TTC17: variants seen among roughly 807,000 people sequenced by gnomAD.
The protein encoded by TTC17 is tetratricopeptide repeat domain 17, also known as tetratricopeptide repeat protein 17.
A neutral mutation model predicts 143.8 loss-of-function variants in TTC17; 58 were observed. The observed-to-expected ratio is 0.40, with a 90% confidence interval of 0.33 to 0.50. The LOEUF (loss-of-function observed/expected upper bound fraction) is 0.50. Ranked by LOEUF, TTC17 falls within the 20% of genes least tolerant of loss-of-function variation. The pLI is 0.49. For missense variants in TTC17, 1,273 were observed against 1,392.5 expected (o/e 0.91, Z 1.37); for synonymous variants, 501 against 497.8 (o/e 1.01, Z -0.09).
intron 21 of TTC17, among the ~76,000 whole-genome samples, chr11:43,455,931 G>A (rs1011998029): frequency 6.6e-6 from 1 of 152,092 alleles, no homozygotes; most frequent in African/African-American, 2.4e-5. Flanking sequence ...TATTTCTCTT[G>A]TTAACAATTC....
Position 43,407,495 on chromosome 11 carries a change from T to G in TTC17, c.1982T>G (p.Leu661Trp). Reference protein sequence around the residue: ...LQYQDVPLVNLANLLIHYGLH... With the variant: ...LQYQDVPLVNWANLLIHYGLH... ...TACCAAGATGTTCCTCTTGTCAACT[T>G]GGCCAACCTTTTGATTCATTACGGC... Residue 661 changes from leucine to tryptophan, a missense_variant, in exon 15 of 24, where the codon TTG becomes TGG. By Grantham distance (61) the Leu-to-Trp change is moderately conservative. Transcript: ENST00000039989. 1 of 1,614,056 alleles carries G rather than the reference T, an allele frequency of 6.2e-7. No homozygotes were observed. The highest frequency in any genetic ancestry group is 8.5e-7 in the Non-Finnish European group (1 of 1,179,980).
intron 18 of TTC17, among the ~76,000 whole-genome samples, chr11:43,445,544 A>G (rs925430157): frequency 6.6e-6 from 1 of 152,252 alleles, no homozygotes; most frequent in Non-Finnish European, 1.5e-5. Flanking sequence ...AATTTATTAT[A>G]AAAGTGAAAA....
At chr11:43,487,131 A>C (rs7108381) in intron 21 of TTC17, among the ~76,000 whole-genome samples, 86,135 of 151,976 alleles carry the variant, frequency 0.57, 25,226 homozygotes, top group African/African-American at 0.68. Flanking sequence ...TAAAGAAATA[A>C]CTTTTTTGTT....
intron 1 of TTC17, among the ~76,000 whole-genome samples, chr11:43,365,915 A>T (rs758153530): frequency 6.6e-6 from 1 of 151,854 alleles, no homozygotes; most frequent in East Asian, 1.9e-4. Flanking sequence ...ATCAGTTACC[A>T]TATGTATGCT....
At chr11:43,402,444 A>G (rs1199088932) in intron 10 of TTC17, among the ~76,000 whole-genome samples, 1 of 152,160 alleles carries the variant, frequency 6.6e-6, no homozygotes, top group Non-Finnish European at 1.5e-5. Flanking sequence ...GTGTATACAC[A>G]CACACATACA....
chr11:43,491,973 G>C (rs377280747), intron 22 of TTC17, 47 bp from the exon 23 acceptor site: 3 of 1,605,738 alleles, frequency 1.9e-6, no homozygotes, highest in East Asian at 2.2e-5. Context: ...AAGAATGAAA[G>C]CTCAAAACCC....
chr11:43,397,778 A>G (rs1857664068), intron 7 of TTC17, among the ~76,000 whole-genome samples, 196 bp from the exon 8 acceptor site: 1 of 151,708 alleles, frequency 6.6e-6, no homozygotes, highest in Non-Finnish European at 1.5e-5. Flanking sequence ...ATGCCTTAAT[A>G]TTGTAGGGAT....
At chr11:43,412,569 AG>A (rs1858467211) in intron 15 of TTC17, among the ~76,000 whole-genome samples, 1 of 152,230 alleles carries the variant, frequency 6.6e-6, no homozygotes, top group Non-Finnish European at 1.5e-5. Context: ...ACATAAGTAC[AG>A]GTTGAGCATC....
chr11:43,363,159 G>A (rs1856186927), intron 1 of TTC17, among the ~76,000 whole-genome samples: 2 of 152,204 alleles, frequency 1.3e-5, no homozygotes, highest in Admixed American at 1.3e-4. Flanking sequence ...CAGGCCTGTG[G>A]CTCTTTTGGT....
intron 2 of TTC17, among the ~76,000 whole-genome samples, chr11:43,382,595 TAATC>T (rs1423797133): frequency 6.6e-6 from 1 of 152,232 alleles, no homozygotes; most frequent in Non-Finnish European, 1.5e-5. Flanking sequence ...TGCCAAAAAA[TAATC>T]AAACCACAAT....
intron 18 of TTC17, chr11:43,445,896 A>C (rs1339688581): frequency 1.1e-6 from 1 of 926,876 alleles, no homozygotes; most frequent in Non-Finnish European, 1.7e-6. Context: ...AACTAATAAT[A>C]ATGCTTAACT....
chr11:43,443,372 G>A lies in TTC17; in HGVS notation c.2299G>A (p.Asp767Asn), dbSNP rs1221298679. ...TGGTTCTGATGAGATGGAGAATTCA[G>A]ATGAAACCAAAATGTCAGAAGAAAT... Reference protein sequence around the residue: ...SNGSDEMENSDETKMSEEILA... With the variant: ...SNGSDEMENSNETKMSEEILA... The change falls in exon 17 of 24, where the codon GAT (aspartate) becomes AAT (asparagine). Residue 767 changes from aspartate to asparagine, a missense_variant. By Grantham distance (23) the Asp-to-Asn change is conservative. Transcript: ENST00000039989. The A allele has an allele frequency of 6.2e-7, 1 of 1,614,022 alleles. No individual in the cohort carries two copies. The highest frequency in any genetic ancestry group is 8.5e-7 in the Non-Finnish European group (1 of 1,180,012).
At chr11:43,477,803 C>T (rs888226330) in intron 21 of TTC17, among the ~76,000 whole-genome samples, 4 of 151,962 alleles carry the variant, frequency 2.6e-5, no homozygotes, top group African/African-American at 9.7e-5. Flanking sequence ...TGTGTCCTTC[C>T]TTTTCTAAAT....
At chr11:43,406,903 T>C (rs1463364480) in intron 13 of TTC17, among the ~76,000 whole-genome samples, 1 of 152,244 alleles carries the variant, frequency 6.6e-6, no homozygotes, top group Admixed American at 6.5e-5. Context: ...TAGGTTACTT[T>C]AATGTGTGGG....
intron 18 of TTC17, among the ~76,000 whole-genome samples, chr11:43,445,417 G>T (rs998636044): frequency 5.3e-5 from 8 of 152,028 alleles, no homozygotes; most frequent in Admixed American, 4.6e-4. Context: ...TGTTATAAAC[G>T]GTCATCTCTG....
intron 8 of TTC17, among the ~76,000 whole-genome samples, chr11:43,399,251 AT>A (rs1857745685): frequency 1.3e-5 from 2 of 152,244 alleles, no homozygotes; most frequent in South Asian, 4.1e-4. Context: ...AAGACTTTGA[AT>A]GTTGATGGAA....
intron 1 of TTC17, among the ~76,000 whole-genome samples, chr11:43,362,782 G>A (rs1856171089): frequency 6.6e-6 from 1 of 152,144 alleles, no homozygotes; most frequent in East Asian, 1.9e-4. Context: ...CACAATCCCT[G>A]CCTCAGCTAG....
At chr11:43,485,688 A>G (rs1948366389) in intron 21 of TTC17, among the ~76,000 whole-genome samples, 1 of 152,150 alleles carries the variant, frequency 6.6e-6, no homozygotes, top group African/African-American at 2.4e-5. Flanking sequence ...ATGAATAAAT[A>G]TGAGAAACAA....
Position 43,443,345 on chromosome 11 carries a change from A to G in TTC17, c.2272A>G (p.Asn758Asp). ...TTCAGGTACGGTGGTTGAGGAGAGC[A>G]ATGGTTCTGATGAGATGGAGAATTC... ...VCSGTVVEES[N>D]GSDEMENSDE... The change falls in exon 17 of 24, where the codon AAT (asparagine) becomes GAT (aspartate). Residue 758 changes from asparagine to aspartate, a missense_variant. By Grantham distance (23) the Asn-to-Asp change is conservative. Coordinates refer to ENST00000039989, the MANE Select transcript of TTC17 (RefSeq NM_018259.6). 1 of 1,614,078 alleles carries G rather than the reference A, an allele frequency of 6.2e-7. No individual in the cohort carries two copies. The highest frequency in any genetic ancestry group is 8.5e-7 in the Non-Finnish European group (1 of 1,179,980).
Sources: allele counts gnomAD v4.1 joint callset (sites outside exome capture counted in the v4.1 genomes callset), GRCh38; gene constraint gnomAD v4.1.1; transcripts MANE v1.5; gene names NCBI Gene and HGNC (gene_info 2026-07-23, HGNC 2026-07-21).